GPC5: variants seen among roughly 807,000 people sequenced by gnomAD.
GPC5 encodes glypican 5, also known as glypican-5.
Under a neutral mutation model 53.9 loss-of-function variants are expected in GPC5, and 47 were observed. The observed-to-expected ratio is 0.87, with a 90% CI of 0.69 to 1.11. The LOEUF (loss-of-function observed/expected upper bound fraction) is 1.11. Ranked by LOEUF, GPC5 falls within the 50% of genes most tolerant of loss-of-function variation. The probability of loss-of-function intolerance (pLI) is 0.00; values close to 1 mark genes in which losing one functional copy is unlikely to be tolerated. For missense variants in GPC5, 748 were observed against 713.1 expected, an observed-to-expected ratio of 1.05 and a Z score of -0.56; for synonymous variants, 286 against 263.3, an observed-to-expected ratio of 1.09 and a Z score of -0.84.
intron 5 of GPC5, among the ~76,000 whole-genome samples, chr13:91,805,609 A>G (rs2038207678): frequency 6.6e-6 from 1 of 152,210 alleles, no homozygotes; most frequent in South Asian, 2.1e-4. Flanking sequence ...ACTTTAATTT[A>G]AAGTGCTGCT....
chr13:92,353,684 C>T (rs1299763861), intron 7 of GPC5, among the ~76,000 whole-genome samples: 1 of 151,938 alleles, frequency 6.6e-6, no homozygotes, highest in African/African-American at 2.4e-5. Context: ...ATATCATGCA[C>T]AAAAGTTTAA....
intron 5 of GPC5, among the ~76,000 whole-genome samples, chr13:91,900,645 T>G (rs1293770168): frequency 6.6e-6 from 1 of 152,100 alleles, no homozygotes; most frequent in African/African-American, 2.4e-5. Context: ...AAAACAGAGC[T>G]TTGACTATAA....
chr13:92,076,227 C>T (rs2041251143), intron 6 of GPC5, among the ~76,000 whole-genome samples: 1 of 152,046 alleles, frequency 6.6e-6, no homozygotes, highest in Non-Finnish European at 1.5e-5. Context: ...CACCACCATG[C>T]CTGGCTTATT....
In GPC5 at chr13:92,329,326, T is replaced by C. The variant is rs79253332; in HGVS notation, c.1561+184337T>C. On this transcript the variant is annotated intron_variant, in intron 7 of 7. Coordinates refer to ENST00000377067, the MANE Select transcript of GPC5 (RefSeq NM_004466.6). ...ATGAAGCTAAAGCAGGTACATCACATGTCAAGAGCAGGAACAAGAAGGAGA... is the reference window on the plus strand; with the variant it reads ...ATGAAGCTAAAGCAGGTACATCACACGTCAAGAGCAGGAACAAGAAGGAGA... 2.4e-3 allele frequency among the ~76,000 whole-genome samples: 372 copies of C among 152,196 alleles called. 2 individuals are homozygous for C. Among genetic ancestry groups the C allele is most frequent in the African/African-American group, 8.3e-3 (346 of 41,532 alleles).
intron 7 of GPC5, among the ~76,000 whole-genome samples, chr13:92,580,757 G>A (rs1883344154): frequency 6.6e-6 from 1 of 152,014 alleles, no homozygotes; most frequent in South Asian, 2.1e-4. Context: ...ATTATCACGA[G>A]GACAGCACCA....
chr13:92,437,923 C>T lies in GPC5; in HGVS notation c.1561+292934C>T, dbSNP rs111957510. On this transcript the variant is annotated intron_variant, in intron 7 of 7. Coordinates refer to ENST00000377067, the MANE Select transcript of GPC5 (RefSeq NM_004466.6). ...GAGAAAACTGTTTTTAAAGTGTTCA[C>T]GAATTACAGTGGGCCCACATGGATA... Among the ~76,000 whole-genome samples the T allele has an allele frequency of 3.9e-3, 588 of 152,138 alleles. 6 individuals carry two copies. The highest frequency in any genetic ancestry group is 0.014 in the African/African-American group (566 of 41,512).
chr13:92,186,045 A>G (rs370906417), intron 7 of GPC5, among the ~76,000 whole-genome samples: 2 of 152,150 alleles, frequency 1.3e-5, no homozygotes, highest in Non-Finnish European at 2.9e-5. Flanking sequence ...ATAAAATCAG[A>G]TATTATGAAA....
intron 7 of GPC5, among the ~76,000 whole-genome samples, chr13:92,487,857 AAAAG>A (rs1879615095): frequency 6.6e-6 from 1 of 150,448 alleles, no homozygotes. Context: ...AAAAAAAAAA[AAAAG>A]AAAGTAAAAC....
chr13:92,771,640 G>A (rs961818977), intron 7 of GPC5, among the ~76,000 whole-genome samples: 6 of 152,008 alleles, frequency 3.9e-5, no homozygotes, highest in African/African-American at 1.4e-4. Context: ...ACTGTGCCCC[G>A]CCCTTATCCA....
intron 6 of GPC5, among the ~76,000 whole-genome samples, chr13:92,089,312 T>G (rs1054820901): frequency 4.6e-5 from 7 of 152,010 alleles, no homozygotes; most frequent in African/African-American, 1.4e-4. Context: ...CGGGCGGCTG[T>G]AGTCCCAGCT....
At chr13:92,060,065 A>C (rs2138851387) in intron 6 of GPC5, 1 of 152,094 alleles carries the variant, frequency 6.6e-6, no homozygotes, top group African/African-American at 2.4e-5. Context: ...GGATTTCATT[A>C]CTTTATTAAT....
At chr13:92,548,835 A>G (rs1448253059) in intron 7 of GPC5, among the ~76,000 whole-genome samples, 1 of 152,148 alleles carries the variant, frequency 6.6e-6, no homozygotes, top group Non-Finnish European at 1.5e-5. Flanking sequence ...CAAGATGTGC[A>G]TATTTCACAT....
chr13:92,182,698 C>A (rs975199705), intron 7 of GPC5, among the ~76,000 whole-genome samples: 13 of 149,618 alleles, frequency 8.7e-5, no homozygotes, highest in African/African-American at 3.3e-4. Flanking sequence ...AACACCGTCT[C>A]TACTACAAAT....
intron 7 of GPC5, among the ~76,000 whole-genome samples, chr13:92,498,981 C>T (rs1232614097): frequency 6.6e-6 from 1 of 151,920 alleles, no homozygotes; most frequent in Non-Finnish European, 1.5e-5. Context: ...AGATTACATC[C>T]TAGATAGAAT....
intron 2 of GPC5, among the ~76,000 whole-genome samples, chr13:91,473,542 ATTG>A (rs889293515): frequency 6.6e-6 from 1 of 152,102 alleles, no homozygotes; most frequent in Non-Finnish European, 1.5e-5. Flanking sequence ...CTGCTGTAAA[ATTG>A]TTGTACCAAA....
intron 7 of GPC5, among the ~76,000 whole-genome samples, chr13:92,290,467 T>C (rs1254003803): frequency 3.9e-5 from 6 of 152,170 alleles, no homozygotes; most frequent in Non-Finnish European, 8.8e-5. Context: ...CTATTTGTAG[T>C]CTTTTTTTCC....
intron 7 of GPC5, among the ~76,000 whole-genome samples, chr13:92,852,884 A>G (rs1878862344): frequency 6.6e-6 from 1 of 152,166 alleles, no homozygotes; most frequent in Non-Finnish European, 1.5e-5. Context: ...ATTGCTGCCA[A>G]TATTTTGGGG....
At chr13:92,547,413 G>A (rs772068362) in intron 7 of GPC5, among the ~76,000 whole-genome samples, 1 of 152,092 alleles carries the variant, frequency 6.6e-6, no homozygotes, top group Non-Finnish European at 1.5e-5. Flanking sequence ...TTCAGATGAC[G>A]TATTTTTACC....
intron 6 of GPC5, among the ~76,000 whole-genome samples, chr13:91,957,463 A>G (rs74415714): frequency 0.024 from 3,600 of 152,284 alleles, 145 homozygotes; most frequent in African/African-American, 0.082. Context: ...ATCCAGATAC[A>G]GGAAGCTCGG....
Sources: gnomAD v4.1 joint callset for allele counts (sites outside exome capture counted in the v4.1 genomes callset) on GRCh38, gnomAD v4.1.1 for gene constraint, MANE v1.5 for transcripts, NCBI Gene and HGNC (gene_info 2026-07-23, HGNC 2026-07-21) for gene names.